RSPH14: variants seen among roughly 807,000 people sequenced by gnomAD.
RSPH14 encodes the protein rhabdoid tumor deletion region gene 1.
A neutral mutation model predicts 26.7 loss-of-function variants in RSPH14; 20 were observed. The ratio of observed to expected loss-of-function variants is 0.75; its 90% CI spans 0.53 to 1.09. RSPH14 has a LOEUF of 1.09. Among genes scored for constraint, RSPH14 ranks in the 50% least tolerant of loss-of-function variants. The pLI, the probability that RSPH14 is intolerant of heterozygous loss-of-function variation, is 0.00. For synonymous variants in RSPH14, 177 were observed against 189.3 expected (o/e 0.93, Z 0.53); for missense variants, 449 against 457.2 (o/e 0.98, Z 0.16).
chr22:23,060,977 G>A (rs1028452982), intron 6 of RSPH14, among the ~76,000 whole-genome samples: 10 of 152,148 alleles, frequency 6.6e-5, no homozygotes, highest in Admixed American at 2.0e-4. Flanking sequence ...CACGCAGGGG[G>A]AGCCCCTGCC....
chr22:23,123,738 T>G (rs557203385), intron 4 of RSPH14: 2 of 363,982 alleles, frequency 5.5e-6, no homozygotes, highest in South Asian at 7.7e-5. Flanking sequence ...AACCTGCCCC[T>G]TCACTTTGCC....
At chr22:23,073,376 C>T (rs934885783) in intron 4 of RSPH14, among the ~76,000 whole-genome samples, 9 of 152,246 alleles carry the variant, frequency 5.9e-5, no homozygotes, top group African/African-American at 9.6e-5. Flanking sequence ...GGCTATGCTG[C>T]GGCCTGGGCA....
chr22:23,161,503 TGGAA>T, the RSPH14 span: 2 of 1,610,000 alleles, frequency 1.2e-6, no homozygotes, highest in Admixed American at 3.3e-5. Flanking sequence ...CTTACAGAAA[TGGAA>T]GGGAGTCCGC....
chr22:23,103,649 A>G (rs1410079744), intron 4 of RSPH14, among the ~76,000 whole-genome samples: 2 of 152,200 alleles, frequency 1.3e-5, no homozygotes, highest in East Asian at 3.8e-4. Flanking sequence ...ATTGGCTAAC[A>G]CGAGACCACA....
At chr22:23,170,191 C>T in the RSPH14 span, among the ~76,000 whole-genome samples, 6 of 151,972 alleles carry the variant, frequency 3.9e-5, no homozygotes, top group Non-Finnish European at 7.4e-5. Flanking sequence ...AGAAATATAC[C>T]GTTCCTAGGT....
intron 4 of RSPH14, chr22:23,124,515 A>G: frequency 2.9e-6 from 1 of 340,536 alleles, no homozygotes; most frequent in Non-Finnish European, 6.4e-6. Context: ...GTTTTTATTT[A>G]AGAAAATAAA....
intron 4 of RSPH14, among the ~76,000 whole-genome samples, chr22:23,076,631 G>A (rs370751396): frequency 5.9e-5 from 9 of 152,240 alleles, no homozygotes; most frequent in African/African-American, 2.2e-4. Flanking sequence ...TCGGGCTGAC[G>A]CCGGGCCACT....
At chr22:23,060,679 A>G (rs1341110378) in intron 6 of RSPH14, among the ~76,000 whole-genome samples, 1 of 151,866 alleles carries the variant, frequency 6.6e-6, no homozygotes, top group Non-Finnish European at 1.5e-5. Flanking sequence ...GGCCCTGCCA[A>G]CTCCCATTGT....
intron 4 of RSPH14, among the ~76,000 whole-genome samples, chr22:23,088,011 C>A (rs193088266): frequency 3.3e-5 from 5 of 152,166 alleles, no homozygotes; most frequent in Non-Finnish European, 7.3e-5. Context: ...GGGCTGTTAC[C>A]GTCTTTGTTT....
At chr22:23,133,242 C>T (rs751578583) in intron 4 of RSPH14, among the ~76,000 whole-genome samples, 7 of 152,174 alleles carry the variant, frequency 4.6e-5, no homozygotes, top group Non-Finnish European at 8.8e-5. Context: ...GTTGTATACT[C>T]ACATAGTGTA....
upstream of RSPH14, among the ~76,000 whole-genome samples, chr22:23,142,963 GTAA>G (rs1409594278): frequency 6.6e-6 from 1 of 152,188 alleles, no homozygotes; most frequent in Non-Finnish European, 1.5e-5. Flanking sequence ...TGAGCGCTCT[GTAA>G]CACTAATTAT....
upstream of RSPH14, chr22:23,146,533 T>C (rs1185536482): frequency 6.4e-7 from 1 of 1,563,566 alleles, no homozygotes; most frequent in South Asian, 1.2e-5. Context: ...AAAAGTTAGG[T>C]GGAAACTCAT....
chr22:23,129,033 G>A (rs554970504), intron 4 of RSPH14, among the ~76,000 whole-genome samples: 3 of 152,228 alleles, frequency 2.0e-5, no homozygotes, highest in South Asian at 2.1e-4. Context: ...TGACACCCAC[G>A]TTCCCACAGG....
At chr22:23,084,286 C>G (rs1472357419) in intron 4 of RSPH14, among the ~76,000 whole-genome samples, 1 of 152,194 alleles carries the variant, frequency 6.6e-6, no homozygotes, top group African/African-American at 2.4e-5. Context: ...AGTACTCATA[C>G]AACCATTCAT....
At chr22:23,092,892 C>T (rs781476619) in intron 4 of RSPH14, among the ~76,000 whole-genome samples, 18 of 152,356 alleles carry the variant, frequency 1.2e-4, no homozygotes, top group Non-Finnish European at 2.2e-4. Context: ...ACAGAGGACA[C>T]CTCCCACTGG....
At chr22:23,154,328 G>C in the RSPH14 span, among the ~76,000 whole-genome samples, 1 of 152,200 alleles carries the variant, frequency 6.6e-6, no homozygotes, top group African/African-American at 2.4e-5. Context: ...GCCCTGCCTG[G>C]ACTGAGCCTT....
At chr22:23,129,436 C>T (rs1002157229) in intron 4 of RSPH14, among the ~76,000 whole-genome samples, 3 of 152,072 alleles carry the variant, frequency 2.0e-5, no homozygotes, top group Non-Finnish European at 2.9e-5. Context: ...CCTAATGGTG[C>T]GCCCAGTGTT....
chr22:23,164,095 CG>C, the RSPH14 span: 1 of 152,276 alleles, frequency 6.6e-6, no homozygotes, highest in East Asian at 1.9e-4. Flanking sequence ...AGCCTGTGGT[CG>C]GGCAGACAGC....
intron 4 of RSPH14, among the ~76,000 whole-genome samples, chr22:23,092,171 C>T (rs2068998738): frequency 6.6e-6 from 1 of 152,192 alleles, no homozygotes; most frequent in South Asian, 2.1e-4. Context: ...AGGTTCCATC[C>T]TGGGACTTGG....
Sources: allele counts gnomAD v4.1 joint callset (sites outside exome capture counted in the v4.1 genomes callset), GRCh38; gene constraint gnomAD v4.1.1; transcripts MANE v1.5; gene names NCBI Gene and HGNC (gene_info 2026-07-23, HGNC 2026-07-21).